CPXM2: variants seen among roughly 807,000 people sequenced by gnomAD.
The protein encoded by CPXM2 is carboxypeptidase X, M14 family member 2, also known as inactive carboxypeptidase-like protein X2.
CPXM2 carries 66 observed loss-of-function variants against 86.1 expected under a neutral mutation model. The observed-to-expected ratio is 0.77, with a 90% CI of 0.63 to 0.94. The LOEUF is 0.94. CPXM2 is among the 40% of genes least tolerant of loss of function. CPXM2 has a pLI of 0.00. For synonymous variants in CPXM2, 388 were observed against 400.2 expected, an observed-to-expected ratio of 0.97 and a Z score of 0.36; for missense variants, 948 against 1,026.3, an observed-to-expected ratio of 0.92 and a Z score of 1.04.
At chr10:123,800,028 GTTTTTTTTTTTTT>G in intron 4 of CPXM2, among the ~76,000 whole-genome samples, 1 of 109,598 alleles carries the variant, frequency 9.1e-6, no homozygotes, top group Middle Eastern at 5.0e-3. Flanking sequence ...TAGTTTTTTG[GTTTTTTTTTTTTT>G]TTTTTTTTTA....
intron 13 of CPXM2, chr10:123,751,052 G>A: frequency 1.0e-5 from 10 of 985,428 alleles, no homozygotes; most frequent in Non-Finnish European, 1.2e-5. Flanking sequence ...CACATAATGG[G>A]CATCCCGGGC....
rs1564798966 is a variant in CPXM2 at position 123,854,384 on chromosome 10, TA to T, written c.513+8229del. 6.8e-4 allele frequency among the ~76,000 whole-genome samples: 81 copies of T among 118,654 alleles called. 1 individual carries two copies. Among genetic ancestry groups the T allele is most frequent in the African/African-American group, 2.5e-3 (72 of 28,658 alleles). 77.8% of individuals were successfully genotyped at this position (118,654 alleles called of 152,430 possible). On this transcript the variant is annotated intron_variant, in intron 3 of 13. Coordinates refer to ENST00000241305, the MANE Select transcript of CPXM2 (RefSeq NM_198148.3). ...AAAATATATATATATAATATATATA[TA>T]ATATATATATTATATATATATTATA...
chr10:123,773,828 T>G (rs772803659), intron 7 of CPXM2, among the ~76,000 whole-genome samples: 1 of 152,138 alleles, frequency 6.6e-6, no homozygotes, highest in Non-Finnish European at 1.5e-5. Context: ...ATCACACTGA[T>G]AGCTGAGGTC....
intron 3 of CPXM2, among the ~76,000 whole-genome samples, chr10:123,860,021 T>G (rs1235784942): frequency 6.6e-6 from 1 of 152,110 alleles, no homozygotes; most frequent in Non-Finnish European, 1.5e-5. Flanking sequence ...ATGTTGCAGG[T>G]GCTATTCTGC....
At chr10:123,920,068 G>T (rs1564822680) in intron 2 of CPXM2, among the ~76,000 whole-genome samples, 1 of 151,978 alleles carries the variant, frequency 6.6e-6, no homozygotes, top group Non-Finnish European at 1.5e-5. Flanking sequence ...CAACAGCAGG[G>T]GATAAATTTC....
rs189702222 is a variant in CPXM2, at chr10:123,925,550, C to A, written n.174+13927G>T. Among the ~76,000 whole-genome samples the A allele has an allele frequency of 3.9e-5, 6 of 152,284 alleles. No homozygotes were observed. In the East Asian group the frequency reaches 5.8e-4, roughly 15 times the overall value. ...ATTTTAAAACACCTTAATTTGTAAA[C>A]ATCCTCTTGGAAATCTTATGTCTGT... On this transcript the variant is annotated intron_variant and non_coding_transcript_variant, in intron 2 of 19. Transcript: ENST00000368854.
At chr10:123,822,178 C>G (rs79844276) in intron 4 of CPXM2, among the ~76,000 whole-genome samples, 2,083 of 152,306 alleles carry the variant, frequency 0.014, 26 homozygotes, top group Non-Finnish European at 0.021. Context: ...ATTGGTTTCT[C>G]CAAAGTATCT....
intron 2 of CPXM2, among the ~76,000 whole-genome samples, chr10:123,922,414 A>G (rs1945585837): frequency 6.6e-6 from 1 of 152,190 alleles, no homozygotes; most frequent in Non-Finnish European, 1.5e-5. Flanking sequence ...ATGTTTCTGG[A>G]TGTAATGCAA....
At chr10:123,918,480 G>A (rs1945552921) in intron 2 of CPXM2, among the ~76,000 whole-genome samples, 1 of 152,082 alleles carries the variant, frequency 6.6e-6, no homozygotes, top group African/African-American at 2.4e-5. Flanking sequence ...AGATCCAGCA[G>A]AGTGTCCTGG....
chr10:123,891,205 A>T lies in CPXM2; in HGVS notation c.304+151T>A. ...AGCTGGGCGGGCCGGCAGGAAGCGC[A>T]GATACAGTCCCTAGGGAGGCAGAGG... is the stretch of plus-strand genomic sequence containing the variant. On this transcript the variant is annotated intron_variant, in intron 1 of 13. Coordinates refer to ENST00000241305, the MANE Select transcript of CPXM2 (RefSeq NM_198148.3). The surrounding 1 kb of genome is among the most constrained non-coding windows in gnomAD (Gnocchi z 5.6). The T allele has an allele frequency of 1.6e-6, 1 of 629,252 alleles. No homozygotes were observed. The highest frequency in any genetic ancestry group is 1.9e-5 in the African/African-American group (1 of 51,970). 39.0% of individuals were successfully genotyped at this position (629,252 alleles called of 1,614,324 possible). A position where few individuals can be genotyped will look rare whatever the true frequency, so the allele number is the denominator to read the frequency against.
chr10:123,770,361 A>G (rs1378139787), intron 8 of CPXM2, among the ~76,000 whole-genome samples: 1 of 152,238 alleles, frequency 6.6e-6, no homozygotes, highest in Non-Finnish European at 1.5e-5. Context: ...ATGAATGTTA[A>G]AGTAAATCAG....
At chr10:123,824,413 A>G (rs1590039562) in intron 4 of CPXM2, among the ~76,000 whole-genome samples, 1 of 152,360 alleles carries the variant, frequency 6.6e-6, no homozygotes, top group Middle Eastern at 3.4e-3. Flanking sequence ...AGGCTCAACC[A>G]TTCCTTCAAC....
chr10:123,922,249 A>G (rs545912531), intron 2 of CPXM2, among the ~76,000 whole-genome samples: 2 of 48,846 alleles, frequency 4.1e-5, no homozygotes, highest in South Asian at 1.1e-3. Flanking sequence ...CCATCATCCT[A>G]CCCATTTTGG....
intron 13 of CPXM2, 34 bp from the exon 14 acceptor site, chr10:123,747,051 A>G (rs1216877092): frequency 1.2e-6 from 2 of 1,607,614 alleles, no homozygotes; most frequent in Admixed American, 3.4e-5. Flanking sequence ...GACTCAGAGC[A>G]GCTCTTGCTA....
At chr10:123,921,761 A>C (rs1210531283) in intron 2 of CPXM2, among the ~76,000 whole-genome samples, 1 of 152,228 alleles carries the variant, frequency 6.6e-6, no homozygotes, top group African/African-American at 2.4e-5. Context: ...AGGGAATTAT[A>C]GACATTTAGG....
intron 1 of CPXM2, among the ~76,000 whole-genome samples, chr10:123,883,081 AC>A (rs74346205): frequency 0.034 from 5,188 of 152,080 alleles, 132 homozygotes; most frequent in East Asian, 0.11. Flanking sequence ...TGGCCCGGGC[AC>A]CCCCAGGCCC....
At chr10:123,892,284 G>A (rs947700765), upstream of CPXM2, among the ~76,000 whole-genome samples, 3 of 152,112 alleles carry the variant, frequency 2.0e-5, no homozygotes, top group Admixed American at 6.5e-5. Context: ...CGGGGTTTCT[G>A]GGAGTAAAGT....
chr10:123,932,131 G>A (rs1185352987), intron 2 of CPXM2, among the ~76,000 whole-genome samples: 1 of 152,154 alleles, frequency 6.6e-6, no homozygotes, highest in Non-Finnish European at 1.5e-5. Flanking sequence ...GCAAAGACTG[G>A]TGGCCACTTT....
intron 6 of CPXM2, among the ~76,000 whole-genome samples, chr10:123,791,937 G>A (rs902047452): frequency 2.6e-5 from 4 of 152,202 alleles, no homozygotes; most frequent in Non-Finnish European, 4.4e-5. Flanking sequence ...TTCTTGCTGC[G>A]CAGCTGAACC....
Sources: gnomAD v4.1 joint callset for allele counts (sites outside exome capture counted in the v4.1 genomes callset) on GRCh38, gnomAD v4.1.1 for gene constraint, Gnocchi (gnomAD v3.1) non-coding constraint, MANE v1.5 for transcripts, NCBI Gene and HGNC (gene_info 2026-07-23, HGNC 2026-07-21) for gene names.